Variants in ASMTL observed in about 807,000 individuals in gnomAD.
The protein encoded by ASMTL is acetylserotonin O-methyltransferase like, also known as probable bifunctional dTTP/UTP pyrophosphatase/methyltransferase protein.
ASMTL carries 57 observed loss-of-function variants against 60.3 expected under a neutral mutation model. The observed-to-expected ratio is 0.95, with a 90% CI of 0.76 to 1.18. The LOEUF (loss-of-function observed/expected upper bound fraction) is 1.18, where lower values mean the gene tolerates loss of function less well. Ranked by LOEUF, ASMTL falls within the 50% of genes most tolerant of loss-of-function variation. The probability of loss-of-function intolerance (pLI) is 0.00; values close to 1 mark genes in which losing one functional copy is unlikely to be tolerated. For synonymous variants in ASMTL, 419 were observed against 373.0 expected (o/e 1.12, Z -1.42); for missense variants, 981 against 852.6 (o/e 1.15, Z -1.88).
Position 1,418,109 on chromosome X carries a change from C to T in ASMTL, c.1386G>A (p.Thr462=), listed in dbSNP as rs6644873. The change falls in exon 11 of 13, where the codon ACG becomes ACA. Residue 462 remains threonine (T), a synonymous_variant. Coordinates refer to ENST00000381317, the MANE Select transcript of ASMTL (RefSeq NM_004192.4). ...FSSACDVGGC[T]GALARELARE... is the part of the protein sequence containing the mutation. ...GGGCCAGCTCTCGGGCCAGTGCACCCGTGCAGCCTGCGGGGAAGCAAATGC... is the reference window on the plus strand; with the variant it reads ...GGGCCAGCTCTCGGGCCAGTGCACCTGTGCAGCCTGCGGGGAAGCAAATGC... 26 of 1,604,210 alleles carry T rather than the reference C, an allele frequency of 1.6e-5. No individual in the cohort carries two copies. Among genetic ancestry groups the T allele is most frequent in the Non-Finnish European group, 2.0e-5 (24 of 1,173,622 alleles).
intron 5 of ASMTL, among the ~76,000 whole-genome samples, chrX:1,434,459 C>T (rs1472808794): frequency 2.0e-5 from 3 of 147,120 alleles, no homozygotes; most frequent in Non-Finnish European, 4.5e-5. Flanking sequence ...CACTGCACTC[C>T]AGCCTGGGTG....
At chrX:1,432,494 A>G in intron 5 of ASMTL, 117 bp from the exon 6 acceptor site, 1 of 747,448 alleles carries the variant, frequency 1.3e-6, no homozygotes, top group Non-Finnish European at 2.4e-6. Flanking sequence ...CAGTTCAGAT[A>G]TGGATGCTTC....
chrX:1,438,996 G>T, intron 3 of ASMTL, 101 bp downstream of exon 3: 3 of 1,284,016 alleles, frequency 2.3e-6, no homozygotes, highest in Non-Finnish European at 3.4e-6. Context: ...CGAGTCCACT[G>T]CTGTCTTAAG....
At chrX:1,410,724 T>A (rs1190458046) in intron 12 of ASMTL, among the ~76,000 whole-genome samples, 1 of 135,426 alleles carries the variant, frequency 7.4e-6, no homozygotes, top group Non-Finnish European at 1.6e-5. Context: ...AGAAAAAACT[T>A]CTTAAAAAAT....
intron 1 of ASMTL, among the ~76,000 whole-genome samples, chrX:1,443,028 C>G (rs1391467025): frequency 1.4e-5 from 2 of 147,362 alleles, no homozygotes; most frequent in Non-Finnish European, 3.0e-5. Context: ...TGGAGAGACA[C>G]CACCATCTTG....
chrX:1,452,861 G>C lies in ASMTL; in HGVS notation c.-21C>G, dbSNP rs1460057603. 1 of 1,542,302 alleles carries C rather than the reference G, an allele frequency of 6.5e-7. No homozygotes were observed. The highest frequency in any genetic ancestry group is 8.7e-7 in the Non-Finnish European group (1 of 1,151,804). On this transcript the variant is annotated 5_prime_UTR_variant, in exon 1 of 13. Transcript: ENST00000381317. ...ACCATGGCGTCCACGCCGGGAGCCGGGCGTCCGCACTTCTGAGCCCGGAGC... is the reference window on the plus strand; with the variant it reads ...ACCATGGCGTCCACGCCGGGAGCCGCGCGTCCGCACTTCTGAGCCCGGAGC...
chrX:1,425,086 A>C (rs1292257325), intron 8 of ASMTL, among the ~76,000 whole-genome samples: 1 of 151,484 alleles, frequency 6.6e-6, no homozygotes, highest in Non-Finnish European at 1.5e-5. Flanking sequence ...TTATATATCA[A>C]CTCTACCCAT....
At position 1,428,124 on chromosome X, in the gene ASMTL, G is replaced by T. The variant is rs768182308; in HGVS notation, c.510-3C>A. On this transcript the variant is annotated splice_region_variant and splice_polypyrimidine_tract_variant and intron_variant, in intron 6 of 12. Coordinates refer to ENST00000381317, the MANE Select transcript of ASMTL (RefSeq NM_004192.4). Reference sequence around the variant, plus strand: ...TCCCGTAGCCGCCAGCTTTGTCCCTGGGTGGGCAGGGGAAGGTAAGAGGTG... The same window carrying T: ...TCCCGTAGCCGCCAGCTTTGTCCCTTGGTGGGCAGGGGAAGGTAAGAGGTG... 23 of 1,598,488 alleles carry T rather than the reference G, an allele frequency of 1.4e-5. No individual in the cohort carries two copies. Among genetic ancestry groups the T allele is most frequent in the Non-Finnish European group, 2.0e-5 (23 of 1,168,710 alleles).
intron 6 of ASMTL, among the ~76,000 whole-genome samples, chrX:1,431,270 T>C (rs1291546015): frequency 7.8e-6 from 1 of 128,110 alleles, no homozygotes; most frequent in Non-Finnish European, 1.6e-5. Context: ...TAATTATATA[T>C]TTATATATAA....
chrX:1,426,695 G>C (rs1265114395), intron 7 of ASMTL, among the ~76,000 whole-genome samples: 2 of 152,164 alleles, frequency 1.3e-5, no homozygotes, highest in Non-Finnish European at 2.9e-5. Flanking sequence ...TCTACTAAAA[G>C]TACAAAAATT....
chrX:1,440,528 A>G (rs2091084340), intron 2 of ASMTL, among the ~76,000 whole-genome samples: 1 of 152,260 alleles, frequency 6.6e-6, no homozygotes, highest in Admixed American at 6.5e-5. Flanking sequence ...AGTAATAGCT[A>G]TGTTAATTTT....
At chrX:1,420,995 T>C (rs1323394347) in intron 9 of ASMTL, among the ~76,000 whole-genome samples, 16 of 150,574 alleles carry the variant, frequency 1.1e-4, no homozygotes, top group Admixed American at 3.3e-4. Context: ...AGTTTCGCTC[T>C]GTCACCCAGG....
chrX:1,447,613 G>A (rs754314292), intron 1 of ASMTL, among the ~76,000 whole-genome samples: 76 of 143,362 alleles, frequency 5.3e-4, no homozygotes, highest in African/African-American at 1.5e-3. Flanking sequence ...GACACACACC[G>A]CCATCTTGGA....
At chrX:1,414,473 C>T (rs1377877887) in intron 11 of ASMTL, among the ~76,000 whole-genome samples, 1 of 152,060 alleles carries the variant, frequency 6.6e-6, no homozygotes, top group East Asian at 1.9e-4. Flanking sequence ...TTTGGGAGGC[C>T]AAGACGGGTG....
intron 9 of ASMTL, among the ~76,000 whole-genome samples, chrX:1,420,363 T>A (rs1267640494): frequency 6.6e-6 from 1 of 150,840 alleles, no homozygotes; most frequent in African/African-American, 2.4e-5. Context: ...CCCTCTATCT[T>A]TCTGTCTGCC....
At chrX:1,446,478 G>T (rs1360658112) in intron 1 of ASMTL, among the ~76,000 whole-genome samples, 10 of 150,018 alleles carry the variant, frequency 6.7e-5, no homozygotes, top group African/African-American at 2.5e-4. Context: ...ACCCTGTGGG[G>T]CTGGTCCCTA....
intron 2 of ASMTL, chrX:1,441,699 A>T (rs1360717491): frequency 1.3e-5 from 2 of 154,592 alleles, no homozygotes; most frequent in African/African-American, 4.8e-5. Context: ...CATTAATTCT[A>T]TATCATAAAT....
chrX:1,418,099 C>G lies in ASMTL; in HGVS notation c.1396G>C (p.Ala466Pro). The change falls in exon 11 of 13, where the codon GCC (alanine) becomes CCC (proline). Residue 466 changes from alanine to proline, a missense_variant. Coordinates refer to ENST00000381317, the MANE Select transcript of ASMTL (RefSeq NM_004192.4). Reference sequence around the variant, plus strand: ...GGGTACTCACGGGCCAGCTCTCGGGCCAGTGCACCCGTGCAGCCTGCGGGG... The same window carrying G: ...GGGTACTCACGGGCCAGCTCTCGGGGCAGTGCACCCGTGCAGCCTGCGGGG... ...CDVGGCTGAL[A>P]RELAREYPRM... The G allele has an allele frequency of 1.9e-6, 3 of 1,607,872 alleles. No homozygotes were observed. The highest frequency in any genetic ancestry group is 2.6e-6 in the Non-Finnish European group (3 of 1,176,060).
chrX:1,410,863 C>T (rs774704163), intron 12 of ASMTL, among the ~76,000 whole-genome samples: 1 of 151,700 alleles, frequency 6.6e-6, no homozygotes, highest in East Asian at 2.0e-4. Context: ...GCACACCAGC[C>T]TGGGCAGCAG....
Sources: gnomAD v4.1 joint callset for allele counts (sites outside exome capture counted in the v4.1 genomes callset) on GRCh38, gnomAD v4.1.1 for gene constraint, MANE v1.5 for transcripts, NCBI Gene and HGNC (gene_info 2026-07-23, HGNC 2026-07-21) for gene names.